MAGI2: variants seen among roughly 807,000 people sequenced by gnomAD.
MAGI2 encodes membrane-associated guanylate kinase, WW and PDZ domain-containing protein 2.
Under a neutral mutation model 133.3 loss-of-function variants are expected in MAGI2, and 35 were observed. The ratio of observed to expected loss-of-function variants is 0.26; its 90% confidence interval spans 0.20 to 0.35. The LOEUF is 0.35. Among genes scored for constraint, MAGI2 ranks in the 10% least tolerant of loss-of-function variants. The probability of loss-of-function intolerance (pLI) is 1.00; values close to 1 mark genes in which losing one functional copy is unlikely to be tolerated. For missense variants in MAGI2, 1,636 were observed against 1,863.4 expected (o/e 0.88, Z 2.25); for synonymous variants, 729 against 710.6 (o/e 1.03, Z -0.41).
At chr7:79,143,077 A>T (rs79687718) in intron 1 of MAGI2, among the ~76,000 whole-genome samples, 3,712 of 152,314 alleles carry the variant, frequency 0.024, 147 homozygotes, top group African/African-American at 0.085. Flanking sequence ...AGATCAGTAA[A>T]ATAGATGGCT....
chr7:79,209,112 T>C (rs1004526619), intron 1 of MAGI2, among the ~76,000 whole-genome samples: 1 of 151,938 alleles, frequency 6.6e-6, no homozygotes, highest in Non-Finnish European at 1.5e-5. Flanking sequence ...TTGTACAACA[T>C]GGTGATTGTA....
At chr7:78,967,328 T>C (rs1803403889) in intron 2 of MAGI2, among the ~76,000 whole-genome samples, 2 of 152,152 alleles carry the variant, frequency 1.3e-5, no homozygotes, top group African/African-American at 4.8e-5. Context: ...GTTGTAGGAG[T>C]TCTTTACATA....
chr7:78,564,392 T>C (rs1206275644), intron 3 of MAGI2, among the ~76,000 whole-genome samples: 1 of 152,196 alleles, frequency 6.6e-6, no homozygotes, highest in African/African-American at 2.4e-5. Flanking sequence ...CACTAAATAC[T>C]TGTACATTTT....
chr7:78,521,523 C>G lies in MAGI2; in HGVS notation c.661G>C (p.Val221Leu), dbSNP rs1407611066. ...ATACTGGCTTTCTCCATGTTGCTCA[C>G]TGATTTATTCCTCTTCCGTTTTCCT... is the stretch of plus-strand genomic sequence containing the variant. ...AEGKRKRNKS[V>L]SNMEKASIEP... The change falls in exon 4 of 22, where the codon GTG becomes CTG. Residue 221 changes from valine (V) to leucine (L), a missense_variant. Around this residue, in one of 5 missense-constraint regions of MAGI2, gnomAD observed 165 missense variants for 128.4 expected, o/e 1.28. Coordinates refer to ENST00000354212, the MANE Select transcript of MAGI2 (RefSeq NM_012301.4). 3 of 1,614,042 alleles carry G rather than the reference C, an allele frequency of 1.9e-6. No individual in the cohort carries two copies. The South Asian group carries it at 3.3e-5, about 18-fold the overall frequency.
At chr7:78,040,505 C>A (rs73703886) in intron 21 of MAGI2, among the ~76,000 whole-genome samples, 1 of 151,376 alleles carries the variant, frequency 6.6e-6, no homozygotes, top group South Asian at 2.1e-4. Context: ...TCAACCTTCC[C>A]TGGGTGGGTA....
At chr7:78,728,540 C>CT (rs71085560) in intron 2 of MAGI2, among the ~76,000 whole-genome samples, 1 of 60,112 alleles carries the variant, frequency 1.7e-5, no homozygotes, top group Non-Finnish European at 2.9e-5. Context: ...TTTCTCTGAT[C>CT]TTTTTTTTTT....
At chr7:78,298,112 A>G (rs557081206) in intron 9 of MAGI2, among the ~76,000 whole-genome samples, 1 of 152,326 alleles carries the variant, frequency 6.6e-6, no homozygotes, top group East Asian at 1.9e-4. Context: ...TCCTCACAAA[A>G]TTCAATAGTC....
chr7:78,023,177 C>T (rs933742082), intron 21 of MAGI2, among the ~76,000 whole-genome samples: 7 of 152,238 alleles, frequency 4.6e-5, no homozygotes, highest in African/African-American at 1.7e-4. Flanking sequence ...CATATCCCAC[C>T]TTGCCCTATC....
Position 78,726,188 on chromosome 7 carries a change from T to C in MAGI2, c.419-98949A>G, listed in dbSNP as rs551181258. On this transcript the variant is annotated intron_variant, in intron 2 of 21. Coordinates refer to ENST00000354212, the MANE Select transcript of MAGI2 (RefSeq NM_012301.4). ...TATTATAGTTAGAATTCACAACCTA[T>C]GTAATCTTTCAGAGAAATAACAAAA... 3.3e-5 allele frequency among the ~76,000 whole-genome samples: 5 copies of C among 152,336 alleles called. No homozygotes were observed. In the East Asian group the frequency reaches 9.6e-4, roughly 29 times the overall value.
chr7:78,573,347 G>T (rs184250595), intron 3 of MAGI2, among the ~76,000 whole-genome samples: 5,985 of 46,790 alleles, frequency 0.13, 703 homozygotes, highest in East Asian at 0.37. Context: ...TATATATATA[G>T]AGAGAGAGAA....
intron 1 of MAGI2, among the ~76,000 whole-genome samples, chr7:79,152,334 T>C (rs1427343607): frequency 6.6e-6 from 1 of 152,232 alleles, no homozygotes; most frequent in African/African-American, 2.4e-5. Flanking sequence ...CTGTTTCTCC[T>C]GTGGTTAATA....
At chr7:78,377,760 C>A (rs1197684231) in intron 6 of MAGI2, among the ~76,000 whole-genome samples, 1 of 150,942 alleles carries the variant, frequency 6.6e-6, no homozygotes, top group African/African-American at 2.4e-5. Context: ...AGTAATCCAC[C>A]AAGTCCTTTA....
At chr7:79,235,947 C>T (rs758783772) in intron 1 of MAGI2, among the ~76,000 whole-genome samples, 7 of 152,196 alleles carry the variant, frequency 4.6e-5, no homozygotes, top group Non-Finnish European at 8.8e-5. Context: ...AAAAGGATGA[C>T]AAATATGCAT....
intron 2 of MAGI2, among the ~76,000 whole-genome samples, chr7:78,634,032 T>A (rs1041224201): frequency 2.6e-5 from 4 of 152,232 alleles, no homozygotes; most frequent in Non-Finnish European, 4.4e-5. Context: ...GAGTGTATTA[T>A]AATCAAAGCT....
At chr7:78,338,247 C>T (rs1021061754) in intron 9 of MAGI2, among the ~76,000 whole-genome samples, 5 of 152,280 alleles carry the variant, frequency 3.3e-5, no homozygotes, top group South Asian at 4.1e-4. Flanking sequence ...TTAATGTACA[C>T]GGTGGCGGCG....
intron 16 of MAGI2, among the ~76,000 whole-genome samples, chr7:78,139,373 T>C (rs1822506879): frequency 6.6e-6 from 1 of 152,204 alleles, no homozygotes; most frequent in South Asian, 2.1e-4. Flanking sequence ...AACAAATCTC[T>C]GACAAGGGAT....
chr7:78,512,052 G>A (rs1441402051), intron 4 of MAGI2, among the ~76,000 whole-genome samples: 1 of 151,986 alleles, frequency 6.6e-6, no homozygotes, highest in African/African-American at 2.4e-5. Flanking sequence ...GAACCAGGGA[G>A]GCGGAGCTTG....
intron 3 of MAGI2, among the ~76,000 whole-genome samples, chr7:78,584,330 G>T (rs992277975): frequency 7.2e-6 from 1 of 139,188 alleles, no homozygotes. Context: ...TGAGGCAGAA[G>T]AATCACTTGA....
At chr7:79,308,610 A>G (rs2129560388) in intron 1 of MAGI2, among the ~76,000 whole-genome samples, 1 of 152,318 alleles carries the variant, frequency 6.6e-6, no homozygotes, top group East Asian at 1.9e-4. Flanking sequence ...ACAGCTGAAC[A>G]CTAAACCTCT....
Sources: allele counts gnomAD v4.1 joint callset (sites outside exome capture counted in the v4.1 genomes callset), GRCh38; gene constraint gnomAD v4.1.1; regional missense constraint gnomAD v4.1.1; transcripts MANE v1.5; gene names NCBI Gene and HGNC (gene_info 2026-07-23, HGNC 2026-07-21).